Variants in CYB5R1 observed in about 807,000 individuals in gnomAD.
CYB5R1 encodes NADH-cytochrome b5 reductase 1.
CYB5R1 carries 32 observed loss-of-function variants against 37.4 expected under a neutral mutation model. That is an observed-to-expected ratio of 0.86 (90% CI 0.65 to 1.15). The LOEUF (loss-of-function observed/expected upper bound fraction) is 1.15. Ranked by LOEUF, CYB5R1 falls within the 50% of genes most tolerant of loss-of-function variation. CYB5R1 has a pLI of 0.00. For missense variants in CYB5R1, 345 were observed against 382.5 expected, an observed-to-expected ratio of 0.90 and a Z score of 0.82; for synonymous variants, 159 against 155.2, an observed-to-expected ratio of 1.02 and a Z score of -0.18.
chr1:202,966,479 C>A (rs761724811), intron 3 of CYB5R1, 49 bp downstream of exon 3: 1 of 1,595,470 alleles, frequency 6.3e-7, no homozygotes, highest in South Asian at 1.1e-5. Context: ...GGAGGGGAGT[C>A]ACCTTCTGAG....
intron 6 of CYB5R1, 77 bp downstream of exon 6, chr1:202,964,535 T>C (rs2232846): frequency 3.3e-5 from 37 of 1,113,788 alleles, no homozygotes; most frequent in Non-Finnish European, 4.6e-5. Flanking sequence ...TGGTTACCAG[T>C]CTTCAGAGGG....
chr1:202,962,683 C>T lies in CYB5R1; in HGVS notation c.762G>A (p.Lys254=), dbSNP rs780075925. 6.2e-7 allele frequency: 1 copy of T among 1,614,148 alleles called. No individual in the cohort carries two copies. Among genetic ancestry groups the T allele is most frequent in the South Asian group, 1.1e-5 (1 of 91,072 alleles). The change falls in exon 9 of 9, where the codon AAG becomes AAA. Residue 254 remains lysine (K), a synonymous_variant. Transcript: ENST00000367249. ...DHPPKDWAYS[K]GFVTADMIRE... ...GGATCATGTCGGCAGTCACAAAGCC[C>T]TTGCTGTAGGCCCAATCTGAAGTAT... is the stretch of plus-strand genomic sequence containing the variant.
In CYB5R1 at chr1:202,967,197, G is replaced by C; in HGVS notation, c.9C>G (p.Ile3Met). MG[I>M]QTSPVLLASL... ...TACTGAATGAGGGTCTTACCGTCTGGATCCCCATGACGGAGCGCCTTTTCC... is the reference window on the plus strand; with the variant it reads ...TACTGAATGAGGGTCTTACCGTCTGCATCCCCATGACGGAGCGCCTTTTCC... The change falls in exon 1 of 9, where the codon ATC (isoleucine) becomes ATG (methionine). Residue 3 changes from isoleucine to methionine, a missense_variant. By Grantham distance (10) the Ile-to-Met change is conservative. Transcript: ENST00000367249. The C allele has an allele frequency of 6.2e-7, 1 of 1,611,674 alleles. No homozygotes were observed. The highest frequency in any genetic ancestry group is 8.5e-7 in the Non-Finnish European group (1 of 1,178,982).
chr1:202,965,882 CT>C lies in CYB5R1; in HGVS notation c.345+4del. The stretch of plus-strand genomic sequence containing the variant: ...CAGCCCCTGGGTCCCTTCCTAGCCC[CT>C]TACCTTGATGACAAGATCCACATAG... On this transcript the variant is annotated splice_donor_region_variant and intron_variant, in intron 4 of 8. Coordinates refer to ENST00000367249, the MANE Select transcript of CYB5R1 (RefSeq NM_016243.3). 1 of 1,600,268 alleles carries C rather than the reference CT, an allele frequency of 6.2e-7. No homozygotes were observed. Among genetic ancestry groups the C allele is most frequent in the Non-Finnish European group, 8.6e-7 (1 of 1,167,426 alleles).
chr1:202,966,896 G>C lies in CYB5R1; in HGVS notation c.18C>G (p.Ser6Arg), dbSNP rs1655109547. 1 of 1,606,552 alleles carries C rather than the reference G, an allele frequency of 6.2e-7. No individual in the cohort carries two copies. Among genetic ancestry groups the C allele is most frequent in the African/African-American group, 1.3e-5 (1 of 74,826 alleles). MGIQT[S>R]PVLLASLGVG... ...CCCCCAGGGAGGCCAGCAGGACGGG[G>C]CTCTGTGGGTAGAGGAGGCAGCGTG... Residue 6 changes from serine to arginine, a missense_variant and splice_region_variant, in exon 2 of 9, where the codon AGC becomes AGG. Coordinates refer to ENST00000367249, the MANE Select transcript of CYB5R1 (RefSeq NM_016243.3).
chr1:202,966,723 C>A (rs927443351), intron 2 of CYB5R1, 26 bp downstream of exon 2: 7 of 1,612,802 alleles, frequency 4.3e-6, no homozygotes, highest in Non-Finnish European at 5.9e-6. Flanking sequence ...CCCTCCTTCA[C>A]CCTGGCCCTT....
intron 1 of CYB5R1, 39 bp from the exon 2 acceptor site, chr1:202,966,937 A>G (rs750258316): frequency 5.1e-6 from 8 of 1,561,926 alleles, no homozygotes; most frequent in Non-Finnish European, 6.9e-6. Flanking sequence ...CAGGCTGGGT[A>G]AGAGCCCGGG....
rs974349745 is a variant in CYB5R1 at position 202,962,439 on chromosome 1, C to T, written c.*88G>A. ...TAGATGTAACTGAAAAAACCTGAAA[C>T]TCTGAGGAAAGGAATCTAAGGCTTA... On this transcript the variant is annotated 3_prime_UTR_variant, in exon 9 of 9. Coordinates refer to ENST00000367249, the MANE Select transcript of CYB5R1 (RefSeq NM_016243.3). 1.4e-5 allele frequency: 20 copies of T among 1,466,706 alleles called. No individual in the cohort carries two copies. In the African/African-American group the frequency reaches 2.4e-4, roughly 18 times the overall value. 90.9% of individuals were successfully genotyped at this position (1,466,706 alleles called of 1,614,324 possible). A position where few individuals can be genotyped will look rare whatever the true frequency, so the allele number is the denominator to read the frequency against.
intron 8 of CYB5R1, 168 bp from the exon 9 acceptor site, chr1:202,962,867 C>A: frequency 1.0e-6 from 1 of 999,878 alleles, no homozygotes; most frequent in Non-Finnish European, 1.6e-6. Context: ...GCCTTAGCAG[C>A]ACCGCCATCC....
At chr1:202,966,037 G>C (rs1571577963) in intron 3 of CYB5R1, 44 bp from the exon 4 acceptor site, 5 of 1,251,048 alleles carry the variant, frequency 4.0e-6, no homozygotes, top group Non-Finnish European at 5.9e-6. Flanking sequence ...TCTGTGATGT[G>C]CTGCATCCCT....
chr1:202,966,553 G>A lies in CYB5R1; in HGVS notation c.213C>T (p.Ala71=), dbSNP rs781582755. ...CCACAGGCAGCCCCAGAGTGTGGTG[G>A]GCGGTGGGCAGGGCAAAGCGGAACC... ...TKRFRFALPT[A]HHTLGLPVGK... is the part of the protein sequence containing the mutation. The change falls in exon 3 of 9, where the codon GCC becomes GCT. Residue 71 remains alanine (A), a synonymous_variant. Coordinates refer to ENST00000367249, the MANE Select transcript of CYB5R1 (RefSeq NM_016243.3). 3.1e-6 allele frequency: 5 copies of A among 1,614,192 alleles called. No homozygotes were observed. In the Admixed American group the frequency reaches 5.0e-5, roughly 16 times the overall value.
intron 8 of CYB5R1, 166 bp from the exon 9 acceptor site, chr1:202,962,865 A>G (rs1171676201): frequency 2.0e-6 from 2 of 1,006,094 alleles, no homozygotes; most frequent in Non-Finnish European, 3.1e-6. Context: ...GAGCCTTAGC[A>G]GCACCGCCAT....
At chr1:202,964,998 T>A in intron 5 of CYB5R1, 1 of 470,042 alleles carries the variant, frequency 2.1e-6, no homozygotes, top group Non-Finnish European at 3.9e-6. Flanking sequence ...TTTTCCCAAG[T>A]GGCACACAGC....
rs1187049395 is a variant in CYB5R1 at position 202,962,222 on chromosome 1, A to G, written c.*305T>C. On this transcript the variant is annotated 3_prime_UTR_variant, in exon 9 of 9. Transcript: ENST00000367249. ...AGGTGAGAGTAAGATGCTATCAAGG[A>G]ACTAGCCAATCTTGGACCAAGCGTA... The G allele has an allele frequency of 3.3e-6, 1 of 304,870 alleles. No individual in the cohort carries two copies. Among genetic ancestry groups the G allele is most frequent in the Non-Finnish European group, 6.0e-6 (1 of 167,418 alleles). 18.9% of individuals were successfully genotyped at this position (304,870 alleles called of 1,614,324 possible). A position where few individuals can be genotyped will look rare whatever the true frequency, so the allele number is the denominator to read the frequency against.
chr1:202,962,855 G>A (rs1204268056), intron 8 of CYB5R1, 156 bp from the exon 9 acceptor site: 13 of 1,062,268 alleles, frequency 1.2e-5, no homozygotes, highest in Non-Finnish European at 1.9e-5. Context: ...GCCTCAAGCT[G>A]AGCCTTAGCA....
intron 5 of CYB5R1, 96 bp from the exon 6 acceptor site, chr1:202,964,791 G>C: frequency 1.2e-6 from 1 of 865,662 alleles, no homozygotes; most frequent in Non-Finnish European, 2.0e-6. Context: ...GAGGCCAGTT[G>C]AGCAGCTGCT....
rs1351098704 is a variant in CYB5R1, at chr1:202,965,981, T to C, written c.251A>G (p.Tyr84Cys). Residue 84 changes from tyrosine (Y) to cysteine (C), a missense_variant, in exon 4 of 9, where the codon TAC (tyrosine) becomes TGC (cysteine). Transcript: ENST00000367249. ...GCTGCCATCAATTCGGGTGGAGAGG[T>C]AGATATGTTTGCCTGGGGACCGTGC... ...TLGLPVGKHI[Y>C]LSTRIDGSLV... The C allele has an allele frequency of 1.2e-6, 2 of 1,612,162 alleles. No homozygotes were observed. Among genetic ancestry groups the C allele is most frequent in the Non-Finnish European group, 1.7e-6 (2 of 1,178,640 alleles).
At chr1:202,962,919 C>G in intron 8 of CYB5R1, 147 bp downstream of exon 8, 1 of 950,300 alleles carries the variant, frequency 1.1e-6, no homozygotes, top group Non-Finnish European at 1.7e-6. Flanking sequence ...GGAAAGGGAC[C>G]AGGAGATCAC....
In CYB5R1 at chr1:202,963,144, G is replaced by T. The variant is rs148221696; in HGVS notation, c.667C>A (p.Arg223=). 96 of 1,613,736 alleles carry T rather than the reference G, an allele frequency of 5.9e-5. No homozygotes were observed. The highest frequency in any genetic ancestry group is 8.1e-5 in the Non-Finnish European group (96 of 1,179,758). ...GCCTGCAGTTCCTCTAAGTCCTCCC[G>T]CAAGATGATATCCTTTTCTGTCTGA... ...ANQTEKDIIL[R]EDLEELQARY... Residue 223 remains arginine (R), a synonymous_variant, in exon 8 of 9, where the codon CGG becomes AGG. Transcript: ENST00000367249.
Sources: gnomAD v4.1 joint callset for allele counts on GRCh38, gnomAD v4.1.1 for gene constraint, MANE v1.5 for transcripts, NCBI Gene and HGNC (gene_info 2026-07-23, HGNC 2026-07-21) for gene names.